Variants in CTNNBL1 observed in about 807,000 individuals in gnomAD.
The protein encoded by CTNNBL1 is catenin beta like 1.
Under a neutral mutation model 72.7 loss-of-function variants are expected in CTNNBL1, and 31 were observed. That is an observed-to-expected ratio of 0.43 (90% CI 0.32 to 0.58). CTNNBL1 has a LOEUF of 0.58. CTNNBL1 is among the 20% of genes least tolerant of loss of function. The pLI, the probability that CTNNBL1 is intolerant of heterozygous loss-of-function variation, is 0.08. For missense variants in CTNNBL1, 534 were observed against 725.1 expected, an observed-to-expected ratio of 0.74 and a Z score of 3.03; for synonymous variants, 240 against 267.3, an observed-to-expected ratio of 0.90 and a Z score of 1.00.
chr20:37,842,009 G>A (rs1307024771), intron 12 of CTNNBL1, among the ~76,000 whole-genome samples: 6 of 152,190 alleles, frequency 3.9e-5, no homozygotes, highest in Non-Finnish European at 8.8e-5. Flanking sequence ...TCCTTCTCTT[G>A]GCAAGAAGGG....
At chr20:37,722,687 A>ATTT (rs1219150390) in intron 1 of CTNNBL1, among the ~76,000 whole-genome samples, 1 of 152,086 alleles carries the variant, frequency 6.6e-6, no homozygotes, top group Non-Finnish European at 1.5e-5. Flanking sequence ...AGGGCTGAGC[A>ATTT]TTTTTTTAAT....
At position 37,825,779 on chromosome 20, in the gene CTNNBL1, G is replaced by A. The variant is rs199765052; in HGVS notation, c.1214-14323G>A. The stretch of plus-strand genomic sequence containing the variant: ...GAGCATCCCTCTTGGGCAGAGTTTA[G>A]CCAGGCCTTCTCTGAGTTCCTCAAG... On this transcript the variant is annotated intron_variant, in intron 11 of 15. Coordinates refer to ENST00000361383, the MANE Select transcript of CTNNBL1 (RefSeq NM_030877.5). Among the ~76,000 whole-genome samples, 11 of 152,296 alleles carry A rather than the reference G, an allele frequency of 7.2e-5. No individual in the cohort carries two copies. The East Asian group carries it at 1.5e-3, about 21-fold the overall frequency.
At chr20:37,762,869 G>C (rs1199930461) in intron 5 of CTNNBL1, among the ~76,000 whole-genome samples, 2 of 152,172 alleles carry the variant, frequency 1.3e-5, no homozygotes, top group Non-Finnish European at 2.9e-5. Flanking sequence ...CTGCCTGTTA[G>C]AAGTTGGATT....
chr20:37,739,539 T>G (rs1399989858), intron 3 of CTNNBL1, among the ~76,000 whole-genome samples: 1 of 152,220 alleles, frequency 6.6e-6, no homozygotes, highest in Non-Finnish European at 1.5e-5. Flanking sequence ...GATAGATACC[T>G]AAATTTTGAA....
intron 15 of CTNNBL1, among the ~76,000 whole-genome samples, chr20:37,866,838 CT>C (rs2122876104): frequency 6.6e-6 from 1 of 152,308 alleles, no homozygotes; most frequent in African/African-American, 2.4e-5. Flanking sequence ...TCCTTCCTTC[CT>C]TGACCTAATC....
intron 1 of CTNNBL1, among the ~76,000 whole-genome samples, chr20:37,696,676 C>G (rs1040609852): frequency 1.3e-4 from 19 of 151,642 alleles, no homozygotes; most frequent in Non-Finnish European, 2.9e-5. Flanking sequence ...CTCCCAACCT[C>G]AGGTGATCTG....
intron 11 of CTNNBL1, among the ~76,000 whole-genome samples, chr20:37,838,530 A>G (rs2072274443): frequency 6.6e-6 from 1 of 152,180 alleles, no homozygotes; most frequent in African/African-American, 2.4e-5. Flanking sequence ...CATTAGTTAG[A>G]TGGAAACAAC....
chr20:37,768,554 G>A (rs1197323004), intron 7 of CTNNBL1, among the ~76,000 whole-genome samples: 4 of 152,168 alleles, frequency 2.6e-5, no homozygotes, highest in Non-Finnish European at 5.9e-5. Context: ...AAACAGTGCG[G>A]CTGTGAATAC....
At chr20:37,813,208 C>T (rs1392435591) in intron 11 of CTNNBL1, among the ~76,000 whole-genome samples, 1 of 152,110 alleles carries the variant, frequency 6.6e-6, no homozygotes, top group Non-Finnish European at 1.5e-5. Context: ...CAGTCTGGTA[C>T]CAGTCCTTGC....
At chr20:37,862,840 C>A (rs927915147) in intron 15 of CTNNBL1, among the ~76,000 whole-genome samples, 15 of 152,180 alleles carry the variant, frequency 9.9e-5, no homozygotes, top group African/African-American at 3.6e-4. Flanking sequence ...TCTCCGAACT[C>A]AACCTTGAAT....
chr20:37,852,538 A>G (rs151268209), intron 13 of CTNNBL1, among the ~76,000 whole-genome samples: 58 of 152,300 alleles, frequency 3.8e-4, no homozygotes, highest in African/African-American at 1.3e-3. Context: ...CCATCAGCCA[A>G]CATCCTGAAT....
intron 11 of CTNNBL1, among the ~76,000 whole-genome samples, chr20:37,829,492 A>AG (rs2072189197): frequency 6.6e-6 from 1 of 152,174 alleles, no homozygotes; most frequent in Non-Finnish European, 1.5e-5. Flanking sequence ...GATGATGGTG[A>AG]GGGTCTGCTT....
chr20:37,806,836 G>A (rs2071964491), intron 11 of CTNNBL1, among the ~76,000 whole-genome samples: 1 of 152,218 alleles, frequency 6.6e-6, no homozygotes, highest in African/African-American at 2.4e-5. Flanking sequence ...TAATTTGCCT[G>A]ATATTGTTAG....
chr20:37,779,360 C>T (rs376231835), intron 10 of CTNNBL1, 25 bp downstream of exon 10: 8 of 1,607,356 alleles, frequency 5.0e-6, no homozygotes, highest in Non-Finnish European at 6.8e-6. Context: ...CCCTAGTTCT[C>T]CCACCTTTTT....
rs1281245528 is a variant in CTNNBL1, at chr20:37,792,914, A to C, written c.1032-9953A>C. ...TTTGACCAATGAGTTATTTAGAAGT[A>C]TGTTGTTTAGTTTCCAAGTATTTGG... On this transcript the variant is annotated intron_variant, in intron 10 of 15. Coordinates refer to ENST00000361383, the MANE Select transcript of CTNNBL1 (RefSeq NM_030877.5). Among the ~76,000 whole-genome samples the C allele has an allele frequency of 5.3e-5, 8 of 152,170 alleles. No homozygotes were observed. The East Asian group carries it at 1.5e-3, about 29-fold the overall frequency.
chr20:37,755,234 G>A (rs1057126914), intron 4 of CTNNBL1, among the ~76,000 whole-genome samples: 3 of 152,084 alleles, frequency 2.0e-5, no homozygotes, highest in Admixed American at 6.5e-5. Context: ...TAAAAATGGC[G>A]GCTATTATTA....
chr20:37,694,529 A>C (rs974190395), intron 1 of CTNNBL1, among the ~76,000 whole-genome samples: 2 of 152,154 alleles, frequency 1.3e-5, no homozygotes, highest in African/African-American at 2.4e-5. Context: ...TTTGATCTCC[A>C]GCTTCTCCAC....
rs1188404212 is a variant in CTNNBL1 at position 37,736,139 on chromosome 20, G to T, written c.220-1239G>T. ...CTTTTTTTTGCATTCTCTAGGCAAGGTTACTAAATTCTTGATGCTACTTCA... is the reference window on the plus strand; with the variant it reads ...CTTTTTTTTGCATTCTCTAGGCAAGTTTACTAAATTCTTGATGCTACTTCA... On this transcript the variant is annotated intron_variant, in intron 2 of 15. Transcript: ENST00000361383. Among the ~76,000 whole-genome samples, 4 of 152,208 alleles carry T rather than the reference G, an allele frequency of 2.6e-5. No homozygotes were observed. The South Asian group carries it at 8.3e-4, about 32-fold the overall frequency.
chr20:37,869,639 C>T (rs1354232816), intron 15 of CTNNBL1, among the ~76,000 whole-genome samples: 6 of 152,132 alleles, frequency 3.9e-5, no homozygotes, highest in East Asian at 1.9e-4. Flanking sequence ...GGCCTGGGGC[C>T]GGGTGTGGGA....
Sources: allele counts gnomAD v4.1 joint callset (sites outside exome capture counted in the v4.1 genomes callset), GRCh38; gene constraint gnomAD v4.1.1; transcripts MANE v1.5; gene names NCBI Gene and HGNC (gene_info 2026-07-23, HGNC 2026-07-21).